PLCB4: variants seen among roughly 807,000 people sequenced by gnomAD.
PLCB4 encodes phospholipase C beta 4, also known as 1-phosphatidylinositol 4,5-bisphosphate phosphodiesterase beta-4.
PLCB4 carries 77 observed loss-of-function variants against 178.8 expected under a neutral mutation model. That is an observed-to-expected ratio of 0.43 (90% CI 0.36 to 0.52). The LOEUF (loss-of-function observed/expected upper bound fraction) is 0.52, where lower values mean the gene tolerates loss of function less well. Ranked by LOEUF, PLCB4 falls within the 20% of genes least tolerant of loss-of-function variation. The probability of loss-of-function intolerance (pLI) is 0.00; values close to 1 mark genes in which losing one functional copy is unlikely to be tolerated. For synonymous variants in PLCB4, 496 were observed against 490.8 expected (o/e 1.01, Z -0.14); for missense variants, 1,024 against 1,453.4 (o/e 0.70, Z 4.80).
chr20:9,092,000 T>C (rs1393156414), intron 1 of PLCB4, among the ~76,000 whole-genome samples: 1 of 152,140 alleles, frequency 6.6e-6, no homozygotes, highest in Non-Finnish European at 1.5e-5. Context: ...GAAGTTACTG[T>C]AGAATTTTAA....
intron 3 of PLCB4, among the ~76,000 whole-genome samples, chr20:9,236,791 A>T (rs2093998112): frequency 6.6e-6 from 1 of 152,210 alleles, no homozygotes; most frequent in Admixed American, 6.5e-5. Context: ...ATGCTATTTA[A>T]TCCAAAGGCA....
intron 15 of PLCB4, among the ~76,000 whole-genome samples, chr20:9,389,471 A>G (rs1468315486): frequency 1.3e-5 from 2 of 152,130 alleles, no homozygotes; most frequent in Non-Finnish European, 2.9e-5. Context: ...TACTACCCAC[A>G]CTTTTCTGCA....
chr20:9,262,381 A>C (rs1293867393), intron 3 of PLCB4, among the ~76,000 whole-genome samples: 1 of 152,106 alleles, frequency 6.6e-6, no homozygotes, highest in African/African-American at 2.4e-5. Flanking sequence ...CATAGCTCCC[A>C]CCTCCTGGAT....
chr20:9,454,015 C>G (rs1295012564), intron 33 of PLCB4, among the ~76,000 whole-genome samples: 1 of 152,186 alleles, frequency 6.6e-6, no homozygotes, highest in African/African-American at 2.4e-5. Flanking sequence ...ACTCTGGGAT[C>G]ACCTCCAAAA....
intron 3 of PLCB4, among the ~76,000 whole-genome samples, chr20:9,237,756 T>A (rs2094009134): frequency 6.6e-6 from 1 of 152,234 alleles, no homozygotes; most frequent in Non-Finnish European, 1.5e-5. Context: ...TAAACACAGT[T>A]AGACACTTTT....
intron 32 of PLCB4, among the ~76,000 whole-genome samples, chr20:9,449,365 G>A (rs1218539653): frequency 6.6e-6 from 1 of 152,006 alleles, no homozygotes; most frequent in Non-Finnish European, 1.5e-5. Context: ...ATGCCTATGG[G>A]GTCCAAGCAG....
chr20:9,266,595 G>GA (rs1290327016), intron 3 of PLCB4, among the ~76,000 whole-genome samples: 1 of 152,060 alleles, frequency 6.6e-6, no homozygotes, highest in Non-Finnish European at 1.5e-5. Flanking sequence ...ATTCCTTATG[G>GA]AAAAAAATTG....
intron 2 of PLCB4, among the ~76,000 whole-genome samples, chr20:9,203,790 T>G (rs1204676802): frequency 8.0e-5 from 11 of 137,504 alleles, no homozygotes; most frequent in South Asian, 6.5e-4. Context: ...TTTTTTTTTT[T>G]TTTTTTTTTT....
chr20:9,275,616 G>T (rs6133690), intron 3 of PLCB4, among the ~76,000 whole-genome samples: 14,693 of 151,810 alleles, frequency 0.097, 1,238 homozygotes, highest in East Asian at 0.32. Context: ...TCTAGCTCAC[G>T]GCCACAGTCT....
intron 3 of PLCB4, among the ~76,000 whole-genome samples, chr20:9,286,551 C>A (rs2094538068): frequency 6.6e-6 from 1 of 151,978 alleles, no homozygotes; most frequent in African/African-American, 2.4e-5. Context: ...AGAGAAAATG[C>A]CAGTTGTGTG....
chr20:9,229,351 AT>A, intron 3 of PLCB4, among the ~76,000 whole-genome samples: 1 of 152,238 alleles, frequency 6.6e-6, no homozygotes, highest in East Asian at 1.9e-4. Context: ...AGTAGTTGTC[AT>A]TTTTTAGCCA....
At chr20:9,118,109 T>C (rs1183064102) in intron 2 of PLCB4, among the ~76,000 whole-genome samples, 3 of 152,012 alleles carry the variant, frequency 2.0e-5, no homozygotes, top group Non-Finnish European at 4.4e-5. Context: ...AAAGGTTACA[T>C]GTGCACATTG....
chr20:9,239,682 A>G (rs1463819368), intron 3 of PLCB4, among the ~76,000 whole-genome samples: 1 of 152,188 alleles, frequency 6.6e-6, no homozygotes, highest in African/African-American at 2.4e-5. Context: ...TTTATTAAAG[A>G]GTATTGACTC....
intron 30 of PLCB4, among the ~76,000 whole-genome samples, chr20:9,442,125 A>G (rs114387406): frequency 0.021 from 3,190 of 152,332 alleles, 105 homozygotes; most frequent in African/African-American, 0.071. Flanking sequence ...ACAGTCCTAT[A>G]TAGTAGCCAC....
At chr20:9,389,532 G>A (rs2037959336) in intron 15 of PLCB4, among the ~76,000 whole-genome samples, 1 of 152,198 alleles carries the variant, frequency 6.6e-6, no homozygotes, top group Non-Finnish European at 1.5e-5. Context: ...CTCTGTGCCA[G>A]AGATCACCTG....
At chr20:9,460,039 C>T (rs2043293002) in intron 35 of PLCB4, among the ~76,000 whole-genome samples, 1 of 152,014 alleles carries the variant, frequency 6.6e-6, no homozygotes, top group African/African-American at 2.4e-5. Context: ...TTTGAGAGGC[C>T]AAGACAGGAG....
chr20:9,076,777 C>A (rs2089889241), intron 1 of PLCB4, among the ~76,000 whole-genome samples: 1 of 152,156 alleles, frequency 6.6e-6, no homozygotes, highest in Non-Finnish European at 1.5e-5. Flanking sequence ...CTCATATCTG[C>A]CAAGATGCTA....
chr20:9,252,965 T>A (rs111731816), intron 3 of PLCB4, among the ~76,000 whole-genome samples: 1 of 152,176 alleles, frequency 6.6e-6, no homozygotes, highest in Non-Finnish European at 1.5e-5. Flanking sequence ...AGACAGAAGA[T>A]TGTGGGACTT....
At chr20:9,251,858 G>A (rs2094184557) in intron 3 of PLCB4, among the ~76,000 whole-genome samples, 1 of 151,920 alleles carries the variant, frequency 6.6e-6, no homozygotes, top group Non-Finnish European at 1.5e-5. Context: ...AAGAAAACAG[G>A]TTAATTTTAA....
Sources: allele counts gnomAD v4.1 joint callset (sites outside exome capture counted in the v4.1 genomes callset), GRCh38; gene constraint gnomAD v4.1.1; transcripts MANE v1.5; gene names NCBI Gene and HGNC (gene_info 2026-07-23, HGNC 2026-07-21).